The following PIK3R3 variants were observed in gnomAD, a reference collection of about 807,000 sequenced individuals.
PIK3R3 encodes phosphatidylinositol 3-kinase regulatory subunit gamma.
In PIK3R3, 64 loss-of-function variants were observed where a neutral mutation model predicts 62.9. That is an observed-to-expected ratio of 1.02 (90% CI 0.83 to 1.25). PIK3R3 has a LOEUF of 1.25. Ranked by LOEUF, PIK3R3 falls within the 50% of genes most tolerant of loss-of-function variation. The pLI, the probability that PIK3R3 is intolerant of heterozygous loss-of-function variation, is 0.00. For synonymous variants in PIK3R3, 165 were observed against 189.0 expected (o/e 0.87, Z 1.04); for missense variants, 614 against 561.6 (o/e 1.09, Z -0.94).
chr1:46,117,143 A>G (rs1164611503), intron 1 of PIK3R3, among the ~76,000 whole-genome samples: 1 of 152,220 alleles, frequency 6.6e-6, no homozygotes, highest in Non-Finnish European at 1.5e-5. Flanking sequence ...TACTTCTGAA[A>G]GTAAATTGGC....
intron 1 of PIK3R3, among the ~76,000 whole-genome samples, chr1:46,113,297 ATTT>A (rs35565437): frequency 8.5e-4 from 108 of 126,876 alleles, no homozygotes; most frequent in Non-Finnish European, 7.0e-4. Context: ...CTATCTCTCA[ATTT>A]TTTTTTTTTT....
At chr1:46,066,813 G>T (rs1275027719) in intron 4 of PIK3R3, 98 bp downstream of exon 4, 45 of 949,102 alleles carry the variant, frequency 4.7e-5, no homozygotes, top group Non-Finnish European at 7.4e-5. Context: ...TAACAAAATG[G>T]CTAGTTTTTT....
At chr1:46,115,705 T>A (rs1243403684) in intron 1 of PIK3R3, among the ~76,000 whole-genome samples, 3 of 152,210 alleles carry the variant, frequency 2.0e-5, no homozygotes, top group Admixed American at 2.0e-4. Context: ...AACCACCTCG[T>A]TGTCCTTCTA....
upstream of PIK3R3, chr1:46,132,939 C>A (rs1221503442): frequency 2.3e-5 from 27 of 1,162,948 alleles, no homozygotes; most frequent in Non-Finnish European, 2.9e-5. Flanking sequence ...GCGCTGGCCG[C>A]ACTCCAGGAG....
intron 8 of PIK3R3, 150 bp downstream of exon 8, chr1:46,046,401 C>T: frequency 1.5e-6 from 1 of 645,198 alleles, no homozygotes; most frequent in Non-Finnish European, 2.7e-6. Context: ...TATAGGGTAC[C>T]TTCAGGCAAT....
the PIK3R3 span, among the ~76,000 whole-genome samples, chr1:46,170,585 T>C: frequency 6.6e-6 from 1 of 152,162 alleles, no homozygotes; most frequent in African/African-American, 2.4e-5. Context: ...CAAGCCTGGC[T>C]AATTTTTGTA....
chr1:46,109,121 T>C (rs1653484810), intron 1 of PIK3R3, among the ~76,000 whole-genome samples: 3 of 148,834 alleles, frequency 2.0e-5, no homozygotes, highest in African/African-American at 7.5e-5. Context: ...ATCACGCCAC[T>C]GCACTCCATC....
chr1:46,108,289 C>G (rs1183546125), intron 1 of PIK3R3, among the ~76,000 whole-genome samples: 1 of 152,042 alleles, frequency 6.6e-6, no homozygotes, highest in Non-Finnish European at 1.5e-5. Context: ...TGAACATCAC[C>G]CACTCTCTTG....
chr1:46,159,244 T>A, the PIK3R3 span, among the ~76,000 whole-genome samples: 11 of 152,192 alleles, frequency 7.2e-5, no homozygotes, highest in Non-Finnish European at 1.5e-4. Flanking sequence ...ATTTGTTTAT[T>A]TTCAGTCTCT....
At chr1:46,105,853 A>T (rs116209841) in intron 1 of PIK3R3, among the ~76,000 whole-genome samples, 5,132 of 152,212 alleles carry the variant, frequency 0.034, 290 homozygotes, top group African/African-American at 0.12. Flanking sequence ...TCAAAAAAAT[A>T]AATTAATTAA....
chr1:46,128,424 G>A (rs1382571667), intron 1 of PIK3R3, among the ~76,000 whole-genome samples: 1 of 152,106 alleles, frequency 6.6e-6, no homozygotes, highest in Non-Finnish European at 1.5e-5. Flanking sequence ...GCGACACAGC[G>A]AGACTCTGTC....
At chr1:46,127,243 G>T (rs1655168517) in intron 1 of PIK3R3, among the ~76,000 whole-genome samples, 1 of 151,572 alleles carries the variant, frequency 6.6e-6, no homozygotes, top group Admixed American at 6.6e-5. Context: ...TAGAGAGGCT[G>T]AAGTGGAAGG....
the PIK3R3 span, among the ~76,000 whole-genome samples, chr1:46,160,240 T>C: frequency 1.3e-5 from 2 of 152,204 alleles, no homozygotes; most frequent in Non-Finnish European, 2.9e-5. Flanking sequence ...CTTAAGACAG[T>C]GAGTACTCCA....
chr1:46,097,489 AT>A (rs1418972132), intron 1 of PIK3R3, among the ~76,000 whole-genome samples: 2 of 152,214 alleles, frequency 1.3e-5, no homozygotes, highest in Non-Finnish European at 1.5e-5. Flanking sequence ...GAAAACCCAC[AT>A]CTAGCATCAT....
At chr1:46,124,690 G>C (rs978525804) in intron 1 of PIK3R3, among the ~76,000 whole-genome samples, 1 of 151,826 alleles carries the variant, frequency 6.6e-6, no homozygotes, top group African/African-American at 2.4e-5. Flanking sequence ...CAGCTACTTG[G>C]GAGCCTGAGG....
At chr1:46,094,347 G>A (rs1183021219) in intron 1 of PIK3R3, among the ~76,000 whole-genome samples, 2 of 152,080 alleles carry the variant, frequency 1.3e-5, no homozygotes, top group African/African-American at 4.8e-5. Flanking sequence ...TGGATGTTAG[G>A]ATATAATCTT....
At chr1:46,108,691 T>C (rs1347257841) in intron 1 of PIK3R3, among the ~76,000 whole-genome samples, 1 of 152,202 alleles carries the variant, frequency 6.6e-6, no homozygotes, top group African/African-American at 2.4e-5. Flanking sequence ...TCCTTCATTC[T>C]AAATGTTAGG....
intron 3 of PIK3R3, among the ~76,000 whole-genome samples, chr1:46,068,269 T>C (rs1649187434): frequency 6.6e-6 from 1 of 152,208 alleles, no homozygotes; most frequent in Non-Finnish European, 1.5e-5. Flanking sequence ...CTGGCCTCTC[T>C]GTTAAAGTTA....
At position 46,132,301 on chromosome 1, in the gene PIK3R3, T is replaced by C. The variant is rs1356475735; in HGVS notation, c.-349A>G. Reference sequence around the variant, plus strand: ...AAAGCTCCCACCGCCTCCAAATCTTTCCGCGGAAGCCACTTTTGTGTCCTT... The same window carrying C: ...AAAGCTCCCACCGCCTCCAAATCTTCCCGCGGAAGCCACTTTTGTGTCCTT... On this transcript the variant is annotated 5_prime_UTR_variant, in exon 1 of 10. Transcript: ENST00000262741. The C allele has an allele frequency of 1.8e-6, 2 of 1,110,714 alleles. No individual in the cohort carries two copies. Among genetic ancestry groups the C allele is most frequent in the Non-Finnish European group, 1.1e-6 (1 of 904,344 alleles). 68.8% of individuals were successfully genotyped at this position (1,110,714 alleles called of 1,614,324 possible).
Sources: gnomAD v4.1 joint callset for allele counts (sites outside exome capture counted in the v4.1 genomes callset) on GRCh38, gnomAD v4.1.1 for gene constraint, MANE v1.5 for transcripts, NCBI Gene and HGNC (gene_info 2026-07-23, HGNC 2026-07-21) for gene names.